Variants in ATG13 observed in about 807,000 individuals in gnomAD.
The protein encoded by ATG13 is autophagy related 13.
A neutral mutation model predicts 65.5 loss-of-function variants in ATG13; 23 were observed. The observed-to-expected ratio is 0.35, with a 90% CI of 0.25 to 0.50. The LOEUF (loss-of-function observed/expected upper bound fraction) is 0.50. Among genes scored for constraint, ATG13 ranks in the 20% least tolerant of loss-of-function variants. The pLI, the probability that ATG13 is intolerant of heterozygous loss-of-function variation, is 0.98. For synonymous variants in ATG13, 252 were observed against 245.2 expected, an observed-to-expected ratio of 1.03 and a Z score of -0.26; for missense variants, 566 against 677.0, an observed-to-expected ratio of 0.84 and a Z score of 1.82.
Position 46,665,073 on chromosome 11 carries a change from C to G in ATG13, c.999+114C>G. 2.7e-6 allele frequency: 3 copies of G among 1,105,130 alleles called. No homozygotes were observed. The South Asian group carries it at 4.6e-5, about 17-fold the overall frequency. The allele number at this position is 1,105,130 out of a possible 1,614,324, so 68.5% of individuals were successfully genotyped here. On this transcript the variant is annotated intron_variant, in intron 13 of 18. Transcript: ENST00000683050. ...ATGTTCTAAGTGCTATATTCTGAAG[C>G]AAAACTCTTTCGTGACTTCAGAGAC...
Position 46,672,424 on chromosome 11 carries a change from C to G in ATG13, c.*92C>G, listed in dbSNP as rs1023669526. On this transcript the variant is annotated 3_prime_UTR_variant, in exon 19 of 19. Transcript: ENST00000683050. Reference sequence around the variant, plus strand: ...TCAGCTGCTCCCACCCCTCATCCTGCTCTGAGCCAGGTGGAAGGGAGGCTG... The same window carrying G: ...TCAGCTGCTCCCACCCCTCATCCTGGTCTGAGCCAGGTGGAAGGGAGGCTG... The G allele has an allele frequency of 1.7e-5, 28 of 1,603,038 alleles. No homozygotes were observed. Among genetic ancestry groups the G allele is most frequent in the Non-Finnish European group, 2.1e-5 (25 of 1,173,642 alleles).
intron 15 of ATG13, 54 bp from the exon 16 acceptor site, chr11:46,668,445 C>T (rs2062895508): frequency 6.4e-7 from 1 of 1,561,190 alleles, no homozygotes; most frequent in East Asian, 2.2e-5. Flanking sequence ...AGGAAGGAAG[C>T]ATGAACACTG....
intron 8 of ATG13, 146 bp from the exon 9 acceptor site, chr11:46,656,949 A>ACG: frequency 1.5e-6 from 1 of 687,948 alleles, no homozygotes; most frequent in Non-Finnish European, 2.6e-6. Flanking sequence ...ACACACACAC[A>ACG]TATGAAATTA....
intron 10 of ATG13, 88 bp downstream of exon 10, chr11:46,657,710 C>G: frequency 1.6e-6 from 2 of 1,238,002 alleles, no homozygotes; most frequent in Non-Finnish European, 2.3e-6. Flanking sequence ...TTTCTCAGCA[C>G]TCACTCTCCA....
Position 46,624,743 on chromosome 11 carries a change from C to T in ATG13, c.-69-5302C>T, listed in dbSNP as rs147284244. Among the ~76,000 whole-genome samples, 379 of 152,212 alleles carry T rather than the reference C, an allele frequency of 2.5e-3. 2 individuals carry two copies. Among genetic ancestry groups the T allele is most frequent in the African/African-American group, 8.8e-3 (366 of 41,546 alleles). ...ACCCTTGAAAAAATCAGCTCATTAG[C>T]TCATTGGCTGGGCATGATTGCTCAT... is the stretch of plus-strand genomic sequence containing the variant. On this transcript the variant is annotated intron_variant, in intron 1 of 18. Transcript: ENST00000683050.
At chr11:46,655,181 C>T (rs1273099042) in intron 7 of ATG13, among the ~76,000 whole-genome samples, 3 of 152,030 alleles carry the variant, frequency 2.0e-5, no homozygotes, top group Non-Finnish European at 2.9e-5. Flanking sequence ...GGGCGGATCA[C>T]GAGATCAGGA....
chr11:46,650,067 G>A (rs948966026), intron 6 of ATG13, 110 bp from the exon 7 acceptor site: 12 of 1,206,772 alleles, frequency 9.9e-6, no homozygotes, highest in African/African-American at 3.0e-5. Context: ...GTTGATAAAG[G>A]TGTAATTAGA....
intron 7 of ATG13, among the ~76,000 whole-genome samples, chr11:46,653,459 C>T (rs2059333318): frequency 6.6e-6 from 1 of 152,018 alleles, no homozygotes; most frequent in Admixed American, 6.6e-5. Context: ...CAGGCGTGAG[C>T]CACCATGTCC....
intron 3 of ATG13, among the ~76,000 whole-genome samples, chr11:46,645,131 C>G (rs958299316): frequency 6.6e-6 from 1 of 152,096 alleles, no homozygotes; most frequent in Admixed American, 6.5e-5. Context: ...GACACTGTAC[C>G]CTCAGGAATG....
intron 5 of ATG13, 95 bp downstream of exon 5, chr11:46,646,084 C>A: frequency 6.7e-7 from 1 of 1,486,028 alleles, no homozygotes; most frequent in African/African-American, 1.4e-5. Context: ...CTGCCCCTTT[C>A]CTCTCTGATA....
At chr11:46,623,094 C>T (rs781316926) in intron 1 of ATG13, among the ~76,000 whole-genome samples, 3 of 151,732 alleles carry the variant, frequency 2.0e-5, no homozygotes, top group African/African-American at 4.8e-5. Context: ...GGAGACCATC[C>T]GGGCTAACAC....
At chr11:46,625,452 T>C (rs948439390) in intron 1 of ATG13, 2 of 151,888 alleles carry the variant, frequency 1.3e-5, no homozygotes, top group African/African-American at 4.8e-5. Flanking sequence ...TTTTTTGTAT[T>C]TTTGTAGATA....
At chr11:46,654,309 ATGT>A (rs910338737) in intron 7 of ATG13, among the ~76,000 whole-genome samples, 1 of 143,822 alleles carries the variant, frequency 7.0e-6, no homozygotes, top group African/African-American at 2.6e-5. Context: ...ATATATATAT[ATGT>A]AAAAGAGAGC....
intron 4 of ATG13, 82 bp from the exon 5 acceptor site, chr11:46,645,788 T>C (rs2057366581): frequency 1.3e-6 from 2 of 1,560,188 alleles, no homozygotes; most frequent in Non-Finnish European, 1.8e-6. Context: ...ACAGCAATAC[T>C]TGCATTACCC....
chr11:46,671,095 C>T (rs943477915), intron 18 of ATG13, among the ~76,000 whole-genome samples: 16 of 152,226 alleles, frequency 1.1e-4, no homozygotes, highest in African/African-American at 3.9e-4. Context: ...CTCCAATTCT[C>T]TCAACTGATG....
chr11:46,670,132 G>C (rs1233148124), intron 18 of ATG13, among the ~76,000 whole-genome samples: 2 of 152,142 alleles, frequency 1.3e-5, no homozygotes, highest in African/African-American at 4.8e-5. Context: ...TAGATATTAA[G>C]ATCCTATGGT....
intron 11 of ATG13, among the ~76,000 whole-genome samples, chr11:46,660,834 G>T (rs1236602933): frequency 6.7e-6 from 1 of 149,942 alleles, no homozygotes; most frequent in East Asian, 2.0e-4. Context: ...TAAACCTCCG[G>T]AGTATCTGGG....
In ATG13 at chr11:46,664,896, A is replaced by G. The variant is rs2061970279; in HGVS notation, c.936A>G (p.Gly312=). 6.2e-7 allele frequency: 1 copy of G among 1,613,850 alleles called. No homozygotes were observed. The highest frequency in any genetic ancestry group is 1.3e-5 in the African/African-American group (1 of 74,924). ...ATCAGCCTGCTGCCCTGGGCGTTGG[A>G]TCAGCTGACCTGGCTTATCCAGTAG... ...LSYQPAALGV[G]SADLAYPVVF... The change falls in exon 13 of 19, where the codon GGA becomes GGG. Residue 312 remains glycine (G), a synonymous_variant. Coordinates refer to ENST00000683050, the MANE Select transcript of ATG13 (RefSeq NM_001346311.2).
intron 7 of ATG13, among the ~76,000 whole-genome samples, chr11:46,655,088 G>A (rs918672870): frequency 2.0e-5 from 3 of 150,390 alleles, no homozygotes; most frequent in African/African-American, 4.9e-5. Context: ...GACAGAGCGA[G>A]ACACTGTCTC....
Sources: gnomAD v4.1 joint callset for allele counts (sites outside exome capture counted in the v4.1 genomes callset) on GRCh38, gnomAD v4.1.1 for gene constraint, MANE v1.5 for transcripts, NCBI Gene and HGNC (gene_info 2026-07-23, HGNC 2026-07-21) for gene names.